The following NAV1 variants were observed in gnomAD, a reference collection of about 807,000 sequenced individuals.
The protein encoded by NAV1 is neuron navigator 1.
NAV1 carries 18 observed loss-of-function variants against 175.2 expected under a neutral mutation model. The observed-to-expected ratio is 0.10, with a 90% CI of 0.07 to 0.15. The LOEUF is 0.15. Ranked by LOEUF, NAV1 falls within the 10% of genes least tolerant of loss-of-function variation. NAV1 has a pLI of 1.00. For missense variants in NAV1, 1,731 were observed against 2,436.6 expected, an observed-to-expected ratio of 0.71 and a Z score of 6.10; for synonymous variants, 897 against 978.7, an observed-to-expected ratio of 0.92 and a Z score of 1.56.
intron 1 of NAV1, among the ~76,000 whole-genome samples, chr1:201,548,265 G>T (rs950446468): frequency 2.6e-5 from 4 of 152,222 alleles, no homozygotes; most frequent in Non-Finnish European, 5.9e-5. Context: ...TTGCTGGGCA[G>T]GCTGTAAATA....
chr1:201,704,447 C>T (rs1358735297), intron 1 of NAV1, among the ~76,000 whole-genome samples: 5 of 152,182 alleles, frequency 3.3e-5, no homozygotes, highest in Non-Finnish European at 5.9e-5. Flanking sequence ...GCTGGGTTCT[C>T]TTGCTGCAAG....
chr1:201,746,791 AG>A (rs1673795920), intron 3 of NAV1, among the ~76,000 whole-genome samples: 1 of 152,074 alleles, frequency 6.6e-6, no homozygotes, highest in Non-Finnish European at 1.5e-5. Context: ...GCTTGAGCCT[AG>A]GAGTTTAAGA....
At chr1:201,756,211 T>G (rs1674455095) in intron 3 of NAV1, among the ~76,000 whole-genome samples, 2 of 151,596 alleles carry the variant, frequency 1.3e-5, no homozygotes, top group South Asian at 4.2e-4. Flanking sequence ...GTGTTCCAAG[T>G]AACAGACTGA....
intron 2 of NAV1, among the ~76,000 whole-genome samples, chr1:201,614,640 T>G (rs776837430): frequency 1.3e-5 from 2 of 152,176 alleles, no homozygotes; most frequent in Non-Finnish European, 2.9e-5. Context: ...CCAGGTAGCC[T>G]CCATTTGTCC....
chr1:201,811,727 A>C (rs1394447680), exon 25 of NAV1: 1 of 1,609,826 alleles, frequency 6.2e-7, no homozygotes, highest in Non-Finnish European at 8.5e-7. Context: ...GAGTTGGTCA[A>C]TGGGGCCCTC....
intron 1 of NAV1, among the ~76,000 whole-genome samples, chr1:201,669,300 G>A (rs1669947282): frequency 1.3e-5 from 2 of 152,246 alleles, no homozygotes; most frequent in South Asian, 4.1e-4. Context: ...GGATTAGAGA[G>A]GCTGGGCCAG....
chr1:201,621,317 A>G (rs1323339063), upstream of NAV1, among the ~76,000 whole-genome samples: 2 of 147,168 alleles, frequency 1.4e-5, no homozygotes, highest in African/African-American at 5.0e-5. Context: ...ACTTGTTGCA[A>G]GTTTTCTTTT....
At chr1:201,794,226 A>G in intron 14 of NAV1, 1 of 633,450 alleles carries the variant, frequency 1.6e-6, no homozygotes, top group Non-Finnish European at 2.9e-6. Flanking sequence ...ATCTTGGCTA[A>G]CTGCAAACTC....
chr1:201,609,684 C>G (rs1371028548), intron 2 of NAV1, among the ~76,000 whole-genome samples: 17 of 152,164 alleles, frequency 1.1e-4, no homozygotes, highest in Admixed American at 1.1e-3. Flanking sequence ...GCTTGGGGGT[C>G]TTCACAGGCT....
chr1:201,695,345 G>A (rs1179654477), intron 1 of NAV1, among the ~76,000 whole-genome samples: 1 of 152,182 alleles, frequency 6.6e-6, no homozygotes, highest in Non-Finnish European at 1.5e-5. Flanking sequence ...CCGGGTTCAA[G>A]CTGAACTTTA....
chr1:201,625,258 T>G (rs1423791130), intron 1 of NAV1, among the ~76,000 whole-genome samples: 1 of 152,188 alleles, frequency 6.6e-6, no homozygotes, highest in Non-Finnish European at 1.5e-5. Flanking sequence ...TTTCAAATAT[T>G]TGAAGGGCTG....
At position 201,763,848 on chromosome 1, in the gene NAV1, T is replaced by C. The variant is rs562405866; in HGVS notation, c.1227-16573T>C. On this transcript the variant is annotated intron_variant, in intron 3 of 29. Coordinates refer to ENST00000367296, the Ensembl canonical transcript of NAV1. The stretch of plus-strand genomic sequence containing the variant: ...CTCTAATCCAATTGCATCCATTTTG[T>C]TCCACAAAGTGCTATCCAAGCTGTT... Among the ~76,000 whole-genome samples the C allele has an allele frequency of 1.6e-3, 241 of 152,366 alleles. 7 individuals are homozygous for C. In the South Asian group the frequency reaches 0.048, roughly 30 times the overall value.
intron 1 of NAV1, among the ~76,000 whole-genome samples, chr1:201,649,660 C>G (rs946487083): frequency 6.6e-6 from 1 of 152,210 alleles, no homozygotes; most frequent in Non-Finnish European, 1.5e-5. Context: ...GGGCTCGACT[C>G]TGGCCTGCCC....
chr1:201,703,806 A>G (rs1671547349), intron 1 of NAV1, among the ~76,000 whole-genome samples: 3 of 152,096 alleles, frequency 2.0e-5, no homozygotes, highest in Admixed American at 2.0e-4. Flanking sequence ...AGCTCGCTGC[A>G]GAGAGAGGCT....
At chr1:201,605,965 A>G (rs1667663586) in intron 2 of NAV1, among the ~76,000 whole-genome samples, 1 of 152,188 alleles carries the variant, frequency 6.6e-6, no homozygotes, top group Non-Finnish European at 1.5e-5. Context: ...CTGCAGGGAA[A>G]AAGAGGGAAA....
chr1:201,641,793 T>C (rs1349725102), intron 2 of NAV1, among the ~76,000 whole-genome samples: 2 of 152,072 alleles, frequency 1.3e-5, no homozygotes, highest in Non-Finnish European at 2.9e-5. Context: ...CTGACTGTGG[T>C]CCCAGAAATC....
At chr1:201,618,869 G>A (rs547026865), upstream of NAV1, among the ~76,000 whole-genome samples, 1 of 152,300 alleles carries the variant, frequency 6.6e-6, no homozygotes, top group South Asian at 2.1e-4. Flanking sequence ...TAAAGATGCT[G>A]AATACCTGTG....
At position 201,610,961 on chromosome 1, in the gene NAV1, G is replaced by A. The variant is rs74136648; in HGVS notation, c.-32-11892G>A. Among the ~76,000 whole-genome samples the A allele has an allele frequency of 9.2e-3, 1,395 of 152,214 alleles. 18 individuals carry two copies. The highest frequency in any genetic ancestry group is 0.032 in the African/African-American group (1,317 of 41,520). ...CAGAGCCCTGGGCCCTGGGGGTGGCGAAGGGGAGGGGAATGATGAGTCCCA... is the reference window on the plus strand; with the variant it reads ...CAGAGCCCTGGGCCCTGGGGGTGGCAAAGGGGAGGGGAATGATGAGTCCCA... On this transcript the variant is annotated intron_variant, in intron 2 of 33. Transcript: ENST00000685211.
chr1:201,620,907 C>T (rs1016914045), upstream of NAV1, among the ~76,000 whole-genome samples: 11 of 151,896 alleles, frequency 7.2e-5, no homozygotes, highest in Non-Finnish European at 8.8e-5. Flanking sequence ...TTTGTTTTGG[C>T]CAGTTGTATT....
Sources: gnomAD v4.1 joint callset for allele counts (sites outside exome capture counted in the v4.1 genomes callset) on GRCh38, gnomAD v4.1.1 for gene constraint, MANE v1.5 for transcripts, NCBI Gene and HGNC (gene_info 2026-07-23, HGNC 2026-07-21) for gene names.